Variants in UNC13C observed in about 807,000 individuals in gnomAD.
The protein encoded by UNC13C is protein unc-13 homolog C.
In UNC13C, 174 loss-of-function variants were observed where a neutral mutation model predicts 245.4. That is an observed-to-expected ratio of 0.71 (90% confidence interval 0.63 to 0.80). The LOEUF is 0.80. UNC13C is among the 30% of genes least tolerant of loss of function. UNC13C has a pLI of 0.00. For missense variants in UNC13C, 2,829 were observed against 2,602.9 expected, an observed-to-expected ratio of 1.09 and a Z score of -1.89; for synonymous variants, 992 against 895.1, an observed-to-expected ratio of 1.11 and a Z score of -1.93.
chr15:54,427,371 A>G (rs2040780161), intron 19 of UNC13C, among the ~76,000 whole-genome samples: 1 of 151,772 alleles, frequency 6.6e-6, no homozygotes, highest in Non-Finnish European at 1.5e-5. Context: ...CCACCATGTA[A>G]GAAGTGCCTT....
intron 30 of UNC13C, among the ~76,000 whole-genome samples, chr15:54,618,449 C>T (rs1159263662): frequency 3.3e-5 from 5 of 152,150 alleles, no homozygotes; most frequent in South Asian, 2.1e-4. Flanking sequence ...TTCTGAATTG[C>T]TCACTAAAAC....
chr15:54,568,459 G>C (rs1897611666), intron 30 of UNC13C, among the ~76,000 whole-genome samples: 1 of 152,088 alleles, frequency 6.6e-6, no homozygotes, highest in Non-Finnish European at 1.5e-5. Context: ...AGGCAGGCTT[G>C]TTTCATGTGT....
intron 1 of UNC13C, among the ~76,000 whole-genome samples, chr15:54,006,664 A>G (rs912946620): frequency 6.6e-6 from 1 of 152,170 alleles, no homozygotes; most frequent in African/African-American, 2.4e-5. Flanking sequence ...CCTGATAAAG[A>G]CATTCTAGAG....
intron 4 of UNC13C, among the ~76,000 whole-genome samples, chr15:54,178,167 A>G (rs192069369): frequency 3.3e-5 from 5 of 152,098 alleles, no homozygotes; most frequent in African/African-American, 1.2e-4. Flanking sequence ...AATCTATACA[A>G]TCCTGTATTT....
intron 19 of UNC13C, among the ~76,000 whole-genome samples, chr15:54,428,890 G>A (rs1270069754): frequency 2.0e-5 from 3 of 151,632 alleles, no homozygotes; most frequent in Admixed American, 1.3e-4. Flanking sequence ...TCGGATTGGT[G>A]GTTGATCAAT....
chr15:54,348,084 C>T (rs1430973837), intron 17 of UNC13C, among the ~76,000 whole-genome samples: 1 of 152,114 alleles, frequency 6.6e-6, no homozygotes, highest in Non-Finnish European at 1.5e-5. Flanking sequence ...TTTTTGAGAG[C>T]TATCTATGCT....
At chr15:54,216,362 C>T (rs1332070040) in intron 4 of UNC13C, among the ~76,000 whole-genome samples, 1 of 151,886 alleles carries the variant, frequency 6.6e-6, no homozygotes, top group Non-Finnish European at 1.5e-5. Flanking sequence ...TTTTAAACCT[C>T]TTTGTGAAAT....
At chr15:54,533,252 A>G (rs1439982136) in intron 26 of UNC13C, among the ~76,000 whole-genome samples, 186 bp downstream of exon 26, 2 of 152,198 alleles carry the variant, frequency 1.3e-5, no homozygotes, top group Non-Finnish European at 2.9e-5. Flanking sequence ...TTACTAGATA[A>G]AAATAAATTA....
At chr15:54,127,033 A>C (rs1030564469) in intron 2 of UNC13C, among the ~76,000 whole-genome samples, 4 of 152,206 alleles carry the variant, frequency 2.6e-5, no homozygotes, top group Non-Finnish European at 4.4e-5. Flanking sequence ...TAGAATGGCG[A>C]TCATTAAAAA....
the UNC13C span, among the ~76,000 whole-genome samples, chr15:53,915,222 T>A: frequency 3.3e-5 from 5 of 152,170 alleles, no homozygotes; most frequent in African/African-American, 1.2e-4. Flanking sequence ...TGTTTTTCTG[T>A]TTAAAAAAAT....
the UNC13C span, among the ~76,000 whole-genome samples, chr15:53,843,324 G>A: frequency 6.6e-6 from 1 of 152,102 alleles, no homozygotes; most frequent in South Asian, 2.1e-4. Flanking sequence ...GCTCATGCTT[G>A]TAGTCCTAGT....
the UNC13C span, among the ~76,000 whole-genome samples, chr15:53,838,936 A>G: frequency 1.3e-5 from 2 of 152,106 alleles, no homozygotes; most frequent in Admixed American, 6.6e-5. Context: ...GTAATATTTG[A>G]TAAATACTTT....
At chr15:54,347,720 T>C (rs1358502865) in intron 17 of UNC13C, among the ~76,000 whole-genome samples, 1 of 152,152 alleles carries the variant, frequency 6.6e-6, no homozygotes, top group Non-Finnish European at 1.5e-5. Context: ...GGGAGTTGTA[T>C]GTAAAATCAG....
chr15:54,220,902 T>C (rs2035205694), intron 4 of UNC13C, among the ~76,000 whole-genome samples: 1 of 151,956 alleles, frequency 6.6e-6, no homozygotes, highest in Non-Finnish European at 1.5e-5. Context: ...AGCATAGTGG[T>C]TTGCTACTTG....
chr15:54,151,217 C>T (rs1158223539), intron 4 of UNC13C, among the ~76,000 whole-genome samples: 1 of 152,160 alleles, frequency 6.6e-6, no homozygotes, highest in Non-Finnish European at 1.5e-5. Flanking sequence ...TATAAGAAAC[C>T]TGATGTCTAT....
At chr15:54,619,772 G>A (rs1900677475) in intron 30 of UNC13C, among the ~76,000 whole-genome samples, 1 of 152,000 alleles carries the variant, frequency 6.6e-6, no homozygotes, top group Admixed American at 6.6e-5. Flanking sequence ...GCACATCAAA[G>A]CATTGTATTG....
chr15:53,901,265 G>C, the UNC13C span, among the ~76,000 whole-genome samples: 1 of 144,674 alleles, frequency 6.9e-6, no homozygotes, highest in Non-Finnish European at 1.5e-5. Flanking sequence ...TGTCATCCAG[G>C]CTGGAGTGCA....
rs770515155 is a variant in UNC13C, at chr15:54,014,493, T to A, written c.1590T>A (p.Asp530Glu). The A allele has an allele frequency of 3.1e-6, 5 of 1,613,830 alleles. No individual in the cohort carries two copies. In the South Asian group the frequency reaches 4.4e-5, roughly 14 times the overall value. The stretch of plus-strand genomic sequence containing the variant: ...AGCAAACCACAACCCATTATGCAGA[T>A]GCAACACCTCTCTGGCACTCACAGA... ...LEKQTTTHYA[D>E]ATPLWHSQSD... The change falls in exon 2 of 33, where the codon GAT becomes GAA. Residue 530 changes from aspartate (D) to glutamate (E), a missense_variant. Transcript: ENST00000260323.
At chr15:53,996,733 C>G (rs926873417) in intron 1 of UNC13C, among the ~76,000 whole-genome samples, 2 of 151,720 alleles carry the variant, frequency 1.3e-5, no homozygotes, top group Admixed American at 6.6e-5. Flanking sequence ...TTCTTTTGTG[C>G]CTGGTTTATT....
Sources: allele counts gnomAD v4.1 joint callset (sites outside exome capture counted in the v4.1 genomes callset), GRCh38; gene constraint gnomAD v4.1.1; transcripts MANE v1.5; gene names NCBI Gene and HGNC (gene_info 2026-07-23, HGNC 2026-07-21).